GDA: variants seen among roughly 807,000 people sequenced by gnomAD.
The protein encoded by GDA is guanine deaminase.
In GDA, 18 loss-of-function variants were observed where a neutral mutation model predicts 59.6. That is an observed-to-expected ratio of 0.30 (90% CI 0.21 to 0.45). The LOEUF (loss-of-function observed/expected upper bound fraction) is 0.45. Ranked by LOEUF, GDA falls within the 20% of genes least tolerant of loss-of-function variation. The pLI is 1.00. For missense variants in GDA, 427 were observed against 552.3 expected, an observed-to-expected ratio of 0.77 and a Z score of 2.27; for synonymous variants, 201 against 201.1, an observed-to-expected ratio of 1.00 and a Z score of 0.00.
intron 1 of GDA, chr9:72,193,745 T>A (rs1291705373): frequency 6.6e-6 from 1 of 152,278 alleles, no homozygotes; most frequent in Non-Finnish European, 1.5e-5. Flanking sequence ...GTCACCGCAG[T>A]TCCCTGGCAG....
chr9:72,168,878 A>T (rs928550574), intron 1 of GDA, among the ~76,000 whole-genome samples: 6 of 152,204 alleles, frequency 3.9e-5, no homozygotes, highest in African/African-American at 1.4e-4. Context: ...TAGAGTTATG[A>T]TTTATAATCC....
intron 5 of GDA, among the ~76,000 whole-genome samples, chr9:72,215,715 C>CCA (rs1392340750): frequency 1.3e-5 from 2 of 152,122 alleles, no homozygotes; most frequent in Non-Finnish European, 2.9e-5. Context: ...GGACCAAGGC[C>CCA]CACTCTGCTG....
intron 1 of GDA, among the ~76,000 whole-genome samples, chr9:72,193,136 A>G (rs914080907): frequency 7.3e-5 from 11 of 150,262 alleles, no homozygotes; most frequent in Non-Finnish European, 1.3e-4. Flanking sequence ...CTGGTACTTT[A>G]TTTAGTTCAT....
At chr9:72,186,226 GAT>G (rs1266934597) in intron 1 of GDA, among the ~76,000 whole-genome samples, 1 of 152,114 alleles carries the variant, frequency 6.6e-6, no homozygotes, top group Non-Finnish European at 1.5e-5. Flanking sequence ...TTTTTTTAGA[GAT>G]TACCTGAAAA....
At chr9:72,200,903 G>T (rs950986013) in intron 2 of GDA, among the ~76,000 whole-genome samples, 1 of 152,118 alleles carries the variant, frequency 6.6e-6, no homozygotes, top group African/African-American at 2.4e-5. Context: ...CAGACAAACT[G>T]CCTGGGTTTG....
chr9:72,233,870 A>C (rs1401454418), intron 10 of GDA, among the ~76,000 whole-genome samples: 1 of 152,134 alleles, frequency 6.6e-6, no homozygotes, highest in African/African-American at 2.4e-5. Context: ...TGAGCTTGGG[A>C]GGTCAAGGCT....
chr9:72,252,660 CT>C (rs1452206285), downstream of GDA, among the ~76,000 whole-genome samples: 1 of 152,128 alleles, frequency 6.6e-6, no homozygotes, highest in South Asian at 2.1e-4. Flanking sequence ...TTATTCTCTA[CT>C]TTTTTATGGT....
At chr9:72,229,404 CAG>C (rs956901325) in intron 9 of GDA, among the ~76,000 whole-genome samples, 12 of 151,970 alleles carry the variant, frequency 7.9e-5, no homozygotes, top group Admixed American at 7.2e-4. Context: ...GGAAGTAAAA[CAG>C]GGAAGGGAAA....
At chr9:72,211,762 G>A (rs1835403330) in intron 4 of GDA, among the ~76,000 whole-genome samples, 1 of 152,136 alleles carries the variant, frequency 6.6e-6, no homozygotes, top group Admixed American at 6.6e-5. Context: ...TGTCAATAGT[G>A]GATGCAGGGA....
At chr9:72,241,377 T>C (rs1272912757) in intron 11 of GDA, 79 bp downstream of exon 11, 2 of 1,069,020 alleles carry the variant, frequency 1.9e-6, no homozygotes, top group African/African-American at 3.1e-5. Flanking sequence ...TGAAGATGCA[T>C]GATTGGTATT....
At chr9:72,228,429 A>G (rs7866644) in intron 9 of GDA, 2,452 of 198,208 alleles carry the variant, frequency 0.012, 60 homozygotes, top group African/African-American at 0.055. Context: ...ATACCAAAGC[A>G]AATGCACTAT....
At position 72,185,262 on chromosome 9, in the gene GDA, T is replaced by C. The variant is rs565293455; in HGVS notation, c.124-10238T>C. On this transcript the variant is annotated intron_variant, in intron 1 of 13. Coordinates refer to ENST00000358399, the MANE Select transcript of GDA (RefSeq NM_004293.5). Reference sequence around the variant, plus strand: ...TATTACAGAAGCAATCATAAAGTTTTGGAAGAATCTCGGAAGACATGTCTA... The same window carrying C: ...TATTACAGAAGCAATCATAAAGTTTCGGAAGAATCTCGGAAGACATGTCTA... Among the ~76,000 whole-genome samples the C allele has an allele frequency of 2.0e-5, 3 of 152,300 alleles. 1 individual carries two copies. The highest frequency in any genetic ancestry group is 7.2e-5 in the African/African-American group (3 of 41,560).
chr9:72,254,979 G>A (rs1417747897), downstream of GDA, among the ~76,000 whole-genome samples: 1 of 152,206 alleles, frequency 6.6e-6, no homozygotes, highest in Non-Finnish European at 1.5e-5. Context: ...CACAGCAACA[G>A]ATAAAGGCAA....
At chr9:72,179,212 C>G (rs1379350180) in intron 1 of GDA, among the ~76,000 whole-genome samples, 1 of 152,172 alleles carries the variant, frequency 6.6e-6, no homozygotes, top group Non-Finnish European at 1.5e-5. Flanking sequence ...CCATCAGATG[C>G]CTTTCTGAAA....
intron 3 of GDA, among the ~76,000 whole-genome samples, chr9:72,203,122 CT>C (rs1834219094): frequency 6.6e-6 from 1 of 152,192 alleles, no homozygotes; most frequent in Non-Finnish European, 1.5e-5. Context: ...ATGTGACTCA[CT>C]TTTCCCATCT....
rs754069016 is a variant in GDA at position 72,241,154 on chromosome 9, G to A, written c.991G>A (p.Val331Met). The A allele has an allele frequency of 2.6e-5, 42 of 1,589,858 alleles. No homozygotes were observed. Among genetic ancestry groups the A allele is most frequent in the South Asian group, 5.6e-5 (5 of 88,924 alleles). Residue 331 changes from valine (V) to methionine (M), a missense_variant and splice_region_variant, in exon 11 of 14, where the codon GTG becomes ATG. Coordinates refer to ENST00000358399, the MANE Select transcript of GDA (RefSeq NM_004293.5). ...HEVKIGLGTD[V>M]AGGYSYSMLD... ...TGGTTTTATTTTACCTACTGCAGACGTGGCTGGTGGCTATTCATATTCCAT... is the reference window on the plus strand; with the variant it reads ...TGGTTTTATTTTACCTACTGCAGACATGGCTGGTGGCTATTCATATTCCAT...
chr9:72,248,189 TA>T (rs551926148), intron 13 of GDA, 82 bp from the exon 14 acceptor site: 55 of 929,362 alleles, frequency 5.9e-5, no homozygotes, highest in South Asian at 3.1e-4. Context: ...GAAGTATCTT[TA>T]AAAAAAATCT....
At chr9:72,178,906 T>C (rs998547616) in intron 1 of GDA, among the ~76,000 whole-genome samples, 17 of 152,222 alleles carry the variant, frequency 1.1e-4, no homozygotes, top group African/African-American at 4.1e-4. Flanking sequence ...TGATACATAA[T>C]ATTTGTACAT....
intron 3 of GDA, 21 bp downstream of exon 3, chr9:72,202,763 TG>T: frequency 6.4e-7 from 1 of 1,558,946 alleles, no homozygotes; most frequent in Non-Finnish European, 8.8e-7. Context: ...TGTGTGTGAG[TG>T]TGGTATTCTG....
Sources: allele counts gnomAD v4.1 joint callset (sites outside exome capture counted in the v4.1 genomes callset), GRCh38; gene constraint gnomAD v4.1.1; transcripts MANE v1.5; gene names NCBI Gene and HGNC (gene_info 2026-07-23, HGNC 2026-07-21).